The following SYNJ1 variants were observed in gnomAD, a reference collection of about 807,000 sequenced individuals.
SYNJ1 encodes synaptojanin 1, also known as polyphosphatidylinositol phosphatase SYNJ1.
In SYNJ1, 78 loss-of-function variants were observed where a neutral mutation model predicts 168.2. The observed-to-expected ratio is 0.46, with a 90% CI of 0.39 to 0.56. The LOEUF is 0.56. SYNJ1 is among the 20% of genes least tolerant of loss of function. The pLI is 0.00. For missense variants in SYNJ1, 1,303 were observed against 1,597.6 expected (o/e 0.82, Z 3.14); for synonymous variants, 539 against 548.6 (o/e 0.98, Z 0.24).
At chr21:32,691,786 T>C (rs1223252015) in intron 6 of SYNJ1, among the ~76,000 whole-genome samples, 1 of 152,228 alleles carries the variant, frequency 6.6e-6, no homozygotes, top group Non-Finnish European at 1.5e-5. Flanking sequence ...CATTATATCT[T>C]TGAATCTCTC....
intron 2 of SYNJ1, among the ~76,000 whole-genome samples, chr21:32,706,283 A>C (rs981440302): frequency 1.3e-5 from 2 of 152,194 alleles, no homozygotes; most frequent in Non-Finnish European, 2.9e-5. Flanking sequence ...TCTGAACTGG[A>C]TCCTTTTGCT....
At chr21:32,675,057 T>C (rs2041350037) in intron 13 of SYNJ1, among the ~76,000 whole-genome samples, 1 of 152,206 alleles carries the variant, frequency 6.6e-6, no homozygotes. Flanking sequence ...TCTGGCCTGT[T>C]GGTATGGTTA....
chr21:32,706,715 A>G (rs968696131), intron 2 of SYNJ1, among the ~76,000 whole-genome samples: 2 of 151,920 alleles, frequency 1.3e-5, no homozygotes, highest in African/African-American at 4.8e-5. Flanking sequence ...CTCCCTGTAC[A>G]TTTTTTTAAT....
chr21:32,669,481 G>T (rs1035324965), intron 15 of SYNJ1, among the ~76,000 whole-genome samples: 3 of 152,148 alleles, frequency 2.0e-5, no homozygotes, highest in Non-Finnish European at 4.4e-5. Context: ...AATGAAATGT[G>T]TTAAAATTTG....
chr21:32,636,969 G>A (rs1430422373), intron 31 of SYNJ1, among the ~76,000 whole-genome samples: 1 of 152,124 alleles, frequency 6.6e-6, no homozygotes, highest in Admixed American at 6.5e-5. Context: ...TGTGCCCGTC[G>A]GCCACCAAAT....
intron 4 of SYNJ1, among the ~76,000 whole-genome samples, chr21:32,699,379 T>C (rs2042318568): frequency 6.6e-6 from 1 of 152,216 alleles, no homozygotes; most frequent in Admixed American, 6.5e-5. Context: ...ATGAATCCTA[T>C]CTAATGGTGG....
At chr21:32,645,358 T>C (rs1167961866) in intron 25 of SYNJ1, among the ~76,000 whole-genome samples, 1 of 152,156 alleles carries the variant, frequency 6.6e-6, no homozygotes, top group Non-Finnish European at 1.5e-5. Flanking sequence ...TAAGAACAGT[T>C]TACATGCCTA....
intron 7 of SYNJ1, among the ~76,000 whole-genome samples, chr21:32,687,441 G>A (rs1051266663): frequency 3.9e-5 from 6 of 152,148 alleles, no homozygotes; most frequent in Non-Finnish European, 7.4e-5. Context: ...CACCTACTCC[G>A]TTGAGTATTC....
chr21:32,632,524 T>G (rs149581572), intron 32 of SYNJ1, among the ~76,000 whole-genome samples: 5,626 of 152,124 alleles, frequency 0.037, 149 homozygotes, highest in African/African-American at 0.076. Flanking sequence ...TAGCTGGGAC[T>G]ACAGGCGTGT....
chr21:32,631,058 T>C lies in SYNJ1; in HGVS notation c.*747A>G, dbSNP rs1601193795. On this transcript the variant is annotated 3_prime_UTR_variant, in exon 33 of 33. Coordinates refer to ENST00000674351, the MANE Select transcript of SYNJ1 (RefSeq NM_203446.3). ...AGGCCAAGGTCGTGAAAGGATCTAC[T>C]GGAGGGCTGGTGCCGGGCGGGAGCA... 2 of 1,614,044 alleles carry C rather than the reference T, an allele frequency of 1.2e-6. No homozygotes were observed. The highest frequency in any genetic ancestry group is 1.7e-6 in the Non-Finnish European group (2 of 1,180,010).
chr21:32,727,179 GAGTTTCCCGTTTA>G (rs1453199333), intron 1 of SYNJ1, among the ~76,000 whole-genome samples: 1 of 152,228 alleles, frequency 6.6e-6, no homozygotes, highest in African/African-American at 2.4e-5. Context: ...CGGTCTGGTT[GAGTTTCCCGTTTA>G]ATTTATGCTT....
intron 10 of SYNJ1, among the ~76,000 whole-genome samples, chr21:32,682,597 C>A (rs746882275): frequency 6.6e-6 from 1 of 152,088 alleles, no homozygotes; most frequent in Non-Finnish European, 1.5e-5. Flanking sequence ...TCATTTAAAT[C>A]TTTCTTCAAG....
intron 2 of SYNJ1, among the ~76,000 whole-genome samples, chr21:32,718,754 A>G (rs1267966926): frequency 1.3e-5 from 2 of 152,268 alleles, no homozygotes; most frequent in Admixed American, 1.3e-4. Flanking sequence ...TTGGCCCAGG[A>G]AAGAAACTTT....
At chr21:32,660,229 G>A (rs1206250229) in intron 18 of SYNJ1, among the ~76,000 whole-genome samples, 4 of 152,190 alleles carry the variant, frequency 2.6e-5, no homozygotes. Flanking sequence ...AAGGGCCCTG[G>A]CAGCAATGGC....
At chr21:32,712,893 C>A (rs115445354) in intron 2 of SYNJ1, among the ~76,000 whole-genome samples, 1 of 152,044 alleles carries the variant, frequency 6.6e-6, no homozygotes, top group African/African-American at 2.4e-5. Flanking sequence ...AGGCGACATA[C>A]GTATATACTG....
At chr21:32,677,451 A>G (rs1046171863) in intron 12 of SYNJ1, among the ~76,000 whole-genome samples, 1 of 152,196 alleles carries the variant, frequency 6.6e-6, no homozygotes, top group Non-Finnish European at 1.5e-5. Flanking sequence ...AATGCGCAGG[A>G]AACTAAAAAC....
At chr21:32,712,776 T>C (rs1392533986) in intron 2 of SYNJ1, among the ~76,000 whole-genome samples, 2 of 152,164 alleles carry the variant, frequency 1.3e-5, no homozygotes, top group Non-Finnish European at 2.9e-5. Flanking sequence ...TAATTTTAAA[T>C]TGTTTGTTGG....
At position 32,630,127 on chromosome 21, in the gene SYNJ1, T is replaced by C. The variant is rs536533392; in HGVS notation, c.*1678A>G. Reference sequence around the variant, plus strand: ...TGGTGGTATGTGCCTTCCCTGCATATAAGGCCATAGTGCTTTTTTGGGAGC... The same window carrying C: ...TGGTGGTATGTGCCTTCCCTGCATACAAGGCCATAGTGCTTTTTTGGGAGC... On this transcript the variant is annotated 3_prime_UTR_variant, in exon 33 of 33. Coordinates refer to ENST00000674351, the MANE Select transcript of SYNJ1 (RefSeq NM_203446.3). 1 of 152,348 alleles carries C rather than the reference T, an allele frequency of 6.6e-6. No individual in the cohort carries two copies. The highest frequency in any genetic ancestry group is 2.1e-4 in the South Asian group (1 of 4,832). 9.4% of individuals were successfully genotyped at this position (152,348 alleles called of 1,614,324 possible). A position where few individuals can be genotyped will look rare whatever the true frequency, so the allele number is the denominator to read the frequency against.
rs554941140 is a variant in SYNJ1 at position 32,679,362 on chromosome 21, C to T, written c.1354-561G>A. On this transcript the variant is annotated intron_variant, in intron 11 of 32. Coordinates refer to ENST00000674351, the MANE Select transcript of SYNJ1 (RefSeq NM_203446.3). ...GAAATTTACAAGTACAGTTCATAAACGAATATTACATGTAAACTACAGTTT... is the reference window on the plus strand; with the variant it reads ...GAAATTTACAAGTACAGTTCATAAATGAATATTACATGTAAACTACAGTTT... Among the ~76,000 whole-genome samples the T allele has an allele frequency of 2.6e-4, 39 of 152,176 alleles. No individual in the cohort carries two copies. In the East Asian group the frequency reaches 5.2e-3, roughly 20 times the overall value.
Sources: gnomAD v4.1 joint callset for allele counts (sites outside exome capture counted in the v4.1 genomes callset) on GRCh38, gnomAD v4.1.1 for gene constraint, MANE v1.5 for transcripts, NCBI Gene and HGNC (gene_info 2026-07-23, HGNC 2026-07-21) for gene names.